Variants in CALCR observed in about 807,000 individuals in gnomAD.
CALCR encodes calcitonin receptor.
In CALCR, 47 loss-of-function variants were observed where a neutral mutation model predicts 59.5. That is an observed-to-expected ratio of 0.79 (90% CI 0.63 to 1.01). The LOEUF is 1.01. Among genes scored for constraint, CALCR ranks in the 50% least tolerant of loss-of-function variants. The pLI is 0.00. For synonymous variants in CALCR, 213 were observed against 211.3 expected (o/e 1.01, Z -0.07); for missense variants, 566 against 597.1 (o/e 0.95, Z 0.54).
chr7:93,524,449 C>A (rs1156714484), intron 2 of CALCR, among the ~76,000 whole-genome samples: 1 of 152,066 alleles, frequency 6.6e-6, no homozygotes, highest in East Asian at 1.9e-4. Context: ...GGATTACAGG[C>A]GTGAAACACC....
intron 2 of CALCR, among the ~76,000 whole-genome samples, chr7:93,492,100 A>C (rs749705064): frequency 6.6e-6 from 1 of 151,602 alleles, no homozygotes; most frequent in Non-Finnish European, 1.5e-5. Context: ...TATCCCTGCA[A>C]AGGATGAAGC....
intron 2 of CALCR, among the ~76,000 whole-genome samples, chr7:93,504,933 T>C (rs1801395614): frequency 6.6e-6 from 1 of 152,098 alleles, no homozygotes; most frequent in Non-Finnish European, 1.5e-5. Context: ...GTATCTCACC[T>C]CCTCTCTGAA....
intron 2 of CALCR, among the ~76,000 whole-genome samples, chr7:93,512,345 C>T (rs565655065): frequency 6.3e-4 from 96 of 152,178 alleles, no homozygotes; most frequent in Middle Eastern, 6.8e-3. Context: ...AGAGACGTGC[C>T]CATGGTCTTT....
At chr7:93,447,000 T>C (rs980167319) in intron 8 of CALCR, among the ~76,000 whole-genome samples, 6 of 152,180 alleles carry the variant, frequency 3.9e-5, no homozygotes, top group Non-Finnish European at 5.9e-5. Flanking sequence ...GTGAATGATA[T>C]GTAAGTGAAA....
intron 8 of CALCR, among the ~76,000 whole-genome samples, chr7:93,451,756 T>A (rs1800114104): frequency 6.6e-6 from 1 of 152,024 alleles, no homozygotes; most frequent in Non-Finnish European, 1.5e-5. Context: ...AATAATCTTT[T>A]AATTTTATTT....
chr7:93,562,210 C>T (rs74799059), intron 2 of CALCR, among the ~76,000 whole-genome samples: 10,246 of 151,752 alleles, frequency 0.068, 354 homozygotes, highest in Middle Eastern at 0.089. Flanking sequence ...TTTCAGTCTT[C>T]GTATCTGTAA....
intron 2 of CALCR, among the ~76,000 whole-genome samples, chr7:93,508,269 A>T (rs75066435): frequency 6.6e-6 from 1 of 152,192 alleles, no homozygotes; most frequent in Non-Finnish European, 1.5e-5. Context: ...AAACCCCTCA[A>T]TGTGCTTAGT....
At chr7:93,518,093 T>C (rs1801684564) in intron 2 of CALCR, among the ~76,000 whole-genome samples, 1 of 151,912 alleles carries the variant, frequency 6.6e-6, no homozygotes, top group Non-Finnish European at 1.5e-5. Context: ...AAAATATGTG[T>C]ATTTTTGTAA....
intron 8 of CALCR, among the ~76,000 whole-genome samples, chr7:93,460,572 A>T (rs35327442): frequency 0.32 from 19,996 of 62,926 alleles, 3,219 homozygotes; most frequent in East Asian, 0.48. Context: ...AAAAAAAAAA[A>T]ATATATATAT....
intron 2 of CALCR, among the ~76,000 whole-genome samples, chr7:93,499,203 A>G (rs540204842): frequency 6.6e-6 from 1 of 151,782 alleles, no homozygotes; most frequent in Non-Finnish European, 1.5e-5. Flanking sequence ...TCTACTTGAC[A>G]TTGTAATAGA....
intron 5 of CALCR, among the ~76,000 whole-genome samples, chr7:93,475,796 G>A (rs28480025): frequency 0.062 from 9,405 of 151,744 alleles, 931 homozygotes; most frequent in African/African-American, 0.21. Context: ...CTTGAAGAAA[G>A]GATTATGTTT....
At chr7:93,567,481 T>C (rs1789890733) in intron 2 of CALCR, among the ~76,000 whole-genome samples, 1 of 152,200 alleles carries the variant, frequency 6.6e-6, no homozygotes, top group Admixed American at 6.5e-5. Context: ...TATAAAATGT[T>C]ATAATTTGTG....
intron 2 of CALCR, among the ~76,000 whole-genome samples, chr7:93,565,830 T>G (rs1017070572): frequency 6.6e-6 from 1 of 152,198 alleles, no homozygotes; most frequent in Non-Finnish European, 1.5e-5. Flanking sequence ...TAAACACCAA[T>G]GTTTTCTATG....
At chr7:93,480,823 G>T (rs566442612) in intron 3 of CALCR, among the ~76,000 whole-genome samples, 1 of 151,752 alleles carries the variant, frequency 6.6e-6, no homozygotes, top group Admixed American at 6.6e-5. Flanking sequence ...CACAAGGGGG[G>T]GTCGAGAAGC....
chr7:93,432,630 T>C (rs1215656949), intron 13 of CALCR, among the ~76,000 whole-genome samples: 1 of 152,234 alleles, frequency 6.6e-6, no homozygotes, highest in East Asian at 1.9e-4. Flanking sequence ...GTTTGCTTTC[T>C]ATGTCTGACA....
At chr7:93,566,692 G>C (rs1789870505) in intron 2 of CALCR, among the ~76,000 whole-genome samples, 2 of 152,072 alleles carry the variant, frequency 1.3e-5, no homozygotes, top group African/African-American at 4.8e-5. Context: ...CCTGTAGAAT[G>C]GGCTTGATAA....
chr7:93,472,311 C>T lies in CALCR; in HGVS notation c.429+64G>A, dbSNP rs189511260. On this transcript the variant is annotated intron_variant, in intron 6 of 13. Coordinates refer to ENST00000426151, the MANE Select transcript of CALCR (RefSeq NM_001742.4). ...TTGTGGCAGATATTTTACAGTTATG[C>T]GTCCATTTCCTTGTACAAATAATGA... 4.4e-3 allele frequency: 4,052 copies of T among 915,686 alleles called. 22 individuals carry two copies. Among genetic ancestry groups the T allele is most frequent in the Non-Finnish European group, 5.5e-3 (3,186 of 574,626 alleles). 56.7% of individuals were successfully genotyped at this position (915,686 alleles called of 1,614,324 possible). A position where few individuals can be genotyped will look rare whatever the true frequency, so the allele number is the denominator to read the frequency against.
At chr7:93,430,398 T>G in intron 13 of CALCR, among the ~76,000 whole-genome samples, 1 of 152,218 alleles carries the variant, frequency 6.6e-6, no homozygotes, top group East Asian at 1.9e-4. Flanking sequence ...GATTTTATCT[T>G]ACAAAATTTA....
chr7:93,426,129 G>C lies in CALCR; in HGVS notation c.*227C>G. On this transcript the variant is annotated 3_prime_UTR_variant, in exon 14 of 14. Transcript: ENST00000426151. ...TGACATTTGCATCTCAGTCCTGGAT[G>C]AATGATGGAGTTCACAAGTTGCAGT... is the stretch of plus-strand genomic sequence containing the variant. 1 of 491,636 alleles carries C rather than the reference G, an allele frequency of 2.0e-6. No homozygotes were observed. Among genetic ancestry groups the C allele is most frequent in the Admixed American group, 3.6e-5 (1 of 27,796 alleles). 30.5% of individuals were successfully genotyped at this position (491,636 alleles called of 1,614,324 possible).
Sources: gnomAD v4.1 joint callset for allele counts (sites outside exome capture counted in the v4.1 genomes callset) on GRCh38, gnomAD v4.1.1 for gene constraint, MANE v1.5 for transcripts, NCBI Gene and HGNC (gene_info 2026-07-23, HGNC 2026-07-21) for gene names.